The following TMEM132D variants were observed in gnomAD, a reference collection of about 807,000 sequenced individuals.
TMEM132D encodes the protein mature OL transmembrane protein.
In TMEM132D, 21 loss-of-function variants were observed where a neutral mutation model predicts 62.3. The observed-to-expected ratio is 0.34, with a 90% CI of 0.24 to 0.49. The LOEUF (loss-of-function observed/expected upper bound fraction) is 0.49, where lower values mean the gene tolerates loss of function less well. Ranked by LOEUF, TMEM132D falls within the 20% of genes least tolerant of loss-of-function variation. TMEM132D has a pLI of 0.99. For synonymous variants in TMEM132D, 621 were observed against 575.6 expected, an observed-to-expected ratio of 1.08 and a Z score of -1.13; for missense variants, 1,346 against 1,402.8, an observed-to-expected ratio of 0.96 and a Z score of 0.65.
chr12:129,481,884 A>C (rs929004655), intron 3 of TMEM132D, among the ~76,000 whole-genome samples: 1 of 152,178 alleles, frequency 6.6e-6, no homozygotes, highest in African/African-American at 2.4e-5. Context: ...ACCACCACCT[A>C]CACACATACA....
intron 3 of TMEM132D, among the ~76,000 whole-genome samples, chr12:129,470,685 T>A (rs1593025682): frequency 6.6e-6 from 1 of 152,336 alleles, no homozygotes; most frequent in East Asian, 1.9e-4. Context: ...CAACATGAAA[T>A]TGACAACATG....
At chr12:129,198,828 T>A (rs1440004151) in intron 5 of TMEM132D, among the ~76,000 whole-genome samples, 1 of 152,222 alleles carries the variant, frequency 6.6e-6, no homozygotes, top group Non-Finnish European at 1.5e-5. Context: ...GTGAAGGATA[T>A]GTTAATTAGT....
chr12:129,114,696 T>C (rs1373287283), intron 5 of TMEM132D, among the ~76,000 whole-genome samples: 1 of 152,164 alleles, frequency 6.6e-6, no homozygotes, highest in East Asian at 1.9e-4. Flanking sequence ...TCTTATCCTC[T>C]AAGTAAACTC....
intron 3 of TMEM132D, among the ~76,000 whole-genome samples, chr12:129,478,680 G>T (rs1317716070): frequency 2.0e-5 from 3 of 152,160 alleles, no homozygotes; most frequent in Non-Finnish European, 4.4e-5. Context: ...GACTTGGCTA[G>T]GTATGTTGCT....
intron 3 of TMEM132D, among the ~76,000 whole-genome samples, chr12:129,435,527 T>C (rs2135718465): frequency 6.6e-6 from 1 of 152,286 alleles, no homozygotes; most frequent in African/African-American, 2.4e-5. Flanking sequence ...GGTGAGACAA[T>C]TTCTCATGGT....
In TMEM132D at chr12:129,150,466, G is replaced by A. The variant is rs181424569; in HGVS notation, c.1443+59054C>T. On this transcript the variant is annotated intron_variant, in intron 5 of 8. Coordinates refer to ENST00000422113, the MANE Select transcript of TMEM132D (RefSeq NM_133448.3). The stretch of plus-strand genomic sequence containing the variant: ...AACTAAGTATGTTATAATGATTTAT[G>A]GTTTATTACTTGTACATTATTTCAT... 1.6e-4 allele frequency among the ~76,000 whole-genome samples: 24 copies of A among 152,292 alleles called. No homozygotes were observed. In the East Asian group the frequency reaches 3.7e-3, roughly 23 times the overall value.
intron 2 of TMEM132D, among the ~76,000 whole-genome samples, chr12:129,603,390 C>T (rs1252358896): frequency 2.6e-5 from 4 of 152,198 alleles, no homozygotes; most frequent in African/African-American, 4.8e-5. Flanking sequence ...CAGTTGAAAT[C>T]TTACAGCATG....
intron 3 of TMEM132D, among the ~76,000 whole-genome samples, chr12:129,468,264 A>G (rs947006021): frequency 2.6e-5 from 4 of 151,940 alleles, no homozygotes; most frequent in Admixed American, 2.0e-4. Context: ...CAGAAAGAAG[A>G]GGGGTGGTGA....
intron 3 of TMEM132D, among the ~76,000 whole-genome samples, chr12:129,425,160 T>C (rs1455884881): frequency 6.6e-6 from 1 of 152,182 alleles, no homozygotes; most frequent in Non-Finnish European, 1.5e-5. Context: ...AGCTGAAAAA[T>C]GTCTGTGTTC....
At chr12:129,697,253 T>C (rs1028583865) in intron 2 of TMEM132D, among the ~76,000 whole-genome samples, 5 of 152,220 alleles carry the variant, frequency 3.3e-5, no homozygotes, top group Non-Finnish European at 7.3e-5. Flanking sequence ...GAGGGTTATT[T>C]ATAGCAGATG....
chr12:129,478,150 C>A (rs1436228416), intron 3 of TMEM132D, among the ~76,000 whole-genome samples: 1 of 152,124 alleles, frequency 6.6e-6, no homozygotes, highest in African/African-American at 2.4e-5. Flanking sequence ...TATAAAAGAT[C>A]TTTAAAAGGT....
chr12:129,651,256 A>G (rs1879920145), intron 2 of TMEM132D, among the ~76,000 whole-genome samples: 1 of 152,228 alleles, frequency 6.6e-6, no homozygotes, highest in Non-Finnish European at 1.5e-5. Flanking sequence ...CAAAAACATA[A>G]TATCCCTTTT....
intron 4 of TMEM132D, among the ~76,000 whole-genome samples, chr12:129,226,123 T>C (rs926687462): frequency 1.3e-5 from 2 of 152,238 alleles, no homozygotes; most frequent in Non-Finnish European, 2.9e-5. Flanking sequence ...ATGTGTTTGC[T>C]CTGGAAACTA....
At position 129,578,621 on chromosome 12, in the gene TMEM132D, A is replaced by G. The variant is rs116926628; in HGVS notation, c.969-47416T>C. 4.9e-3 allele frequency among the ~76,000 whole-genome samples: 739 copies of G among 152,182 alleles called. 5 individuals are homozygous for G. The highest frequency in any genetic ancestry group is 8.4e-3 in the Non-Finnish European group (574 of 68,020). ...CACAATATGGAGGCTGTTACATCCT[A>G]CAATCTATACCATCTGCAAGCTGGT... On this transcript the variant is annotated intron_variant, in intron 2 of 8. Transcript: ENST00000422113.
At chr12:129,212,715 C>T (rs1189619376) in intron 4 of TMEM132D, 1 of 152,230 alleles carries the variant, frequency 6.6e-6, no homozygotes, top group Non-Finnish European at 1.5e-5. Flanking sequence ...TTCATACACC[C>T]TTTCTGCTAC....
At chr12:129,521,646 G>C (rs527316278) in intron 3 of TMEM132D, 1 of 152,088 alleles carries the variant, frequency 6.6e-6, no homozygotes. Flanking sequence ...AATCATCAAC[G>C]TGTCCCCTTG....
chr12:129,112,234 G>T (rs536606627), intron 5 of TMEM132D, among the ~76,000 whole-genome samples: 1 of 152,336 alleles, frequency 6.6e-6, no homozygotes, highest in African/African-American at 2.4e-5. Flanking sequence ...ATGCATTCTG[G>T]GGTGAATGTA....
At chr12:129,608,422 G>A (rs919562257) in intron 2 of TMEM132D, among the ~76,000 whole-genome samples, 2 of 152,074 alleles carry the variant, frequency 1.3e-5, no homozygotes, top group Admixed American at 6.5e-5. Context: ...ATGAAGGTTC[G>A]GTTGTCACTA....
chr12:129,335,714 C>T (rs755500382), intron 4 of TMEM132D, among the ~76,000 whole-genome samples: 1 of 143,186 alleles, frequency 7.0e-6, no homozygotes, highest in African/African-American at 2.5e-5. Context: ...CTGTTCATTG[C>T]CTTAGAATAC....
Sources: gnomAD v4.1 joint callset for allele counts (sites outside exome capture counted in the v4.1 genomes callset) on GRCh38, gnomAD v4.1.1 for gene constraint, MANE v1.5 for transcripts, NCBI Gene and HGNC (gene_info 2026-07-23, HGNC 2026-07-21) for gene names.